The following TBC1D1 variants were observed in gnomAD, a reference collection of about 807,000 sequenced individuals.
The protein encoded by TBC1D1 is TBC1 (tre-2/USP6, BUB2, cdc16) domain family, member 1.
In TBC1D1, 89 loss-of-function variants were observed where a neutral mutation model predicts 125.6. The observed-to-expected ratio is 0.71, with a 90% CI of 0.60 to 0.85. The LOEUF (loss-of-function observed/expected upper bound fraction) is 0.85, where lower values mean the gene tolerates loss of function less well. TBC1D1 is among the 40% of genes least tolerant of loss of function. The pLI is 0.00. For synonymous variants in TBC1D1, 565 were observed against 564.1 expected (o/e 1.00, Z -0.02); for missense variants, 1,377 against 1,469.2 (o/e 0.94, Z 1.03).
At chr4:38,084,531 A>G (rs1342759132) in intron 12 of TBC1D1, among the ~76,000 whole-genome samples, 1 of 152,260 alleles carries the variant, frequency 6.6e-6, no homozygotes, top group African/African-American at 2.4e-5. Flanking sequence ...ATATGACAAC[A>G]TTAAGTCTAC....
intron 2 of TBC1D1, among the ~76,000 whole-genome samples, chr4:38,011,657 C>G (rs990947481): frequency 6.6e-6 from 1 of 152,166 alleles, no homozygotes; most frequent in African/African-American, 2.4e-5. Context: ...ACGGGGCACA[C>G]CTTACCCTGA....
At chr4:37,967,511 T>G (rs570433071) in intron 2 of TBC1D1, among the ~76,000 whole-genome samples, 10 of 149,750 alleles carry the variant, frequency 6.7e-5, no homozygotes, top group South Asian at 2.1e-4. Context: ...AAAAAAAAGA[T>G]AAAAAAGAGA....
At chr4:38,099,942 T>C (rs1760018992) in intron 14 of TBC1D1, among the ~76,000 whole-genome samples, 1 of 152,196 alleles carries the variant, frequency 6.6e-6, no homozygotes, top group African/African-American at 2.4e-5. Flanking sequence ...GATAAGACAA[T>C]GGGAATGATT....
chr4:37,923,545 G>C (rs566831358), intron 2 of TBC1D1, among the ~76,000 whole-genome samples: 47 of 152,160 alleles, frequency 3.1e-4, no homozygotes, highest in Non-Finnish European at 5.6e-4. Context: ...GGAGCTGGAA[G>C]TCTCCCTGCA....
At chr4:38,083,358 A>T (rs915911765) in intron 12 of TBC1D1, among the ~76,000 whole-genome samples, 2 of 152,248 alleles carry the variant, frequency 1.3e-5, no homozygotes, top group African/African-American at 4.8e-5. Flanking sequence ...TCGTTAGACA[A>T]AATGGGTCAT....
chr4:38,064,182 C>CT (rs2152500896), intron 12 of TBC1D1, among the ~76,000 whole-genome samples: 1 of 152,222 alleles, frequency 6.6e-6, no homozygotes, highest in South Asian at 2.1e-4. Flanking sequence ...TTTTTAATGA[C>CT]TTATTAATAT....
chr4:37,958,346 C>G (rs981692698), intron 2 of TBC1D1, among the ~76,000 whole-genome samples: 11 of 152,188 alleles, frequency 7.2e-5, no homozygotes, highest in Non-Finnish European at 1.5e-4. Flanking sequence ...CATATCTGGT[C>G]CCAGATGATT....
intron 13 of TBC1D1, among the ~76,000 whole-genome samples, chr4:38,093,022 C>T (rs920331867): frequency 6.6e-6 from 1 of 152,082 alleles, no homozygotes; most frequent in Non-Finnish European, 1.5e-5. Context: ...ATAATGGCCC[C>T]GGGCTAAGAA....
intron 2 of TBC1D1, among the ~76,000 whole-genome samples, chr4:38,011,922 T>C (rs1741594683): frequency 6.6e-6 from 1 of 152,222 alleles, no homozygotes; most frequent in Non-Finnish European, 1.5e-5. Context: ...GTTTGTACCA[T>C]TTACTACTGA....
chr4:38,117,575 A>G (rs911834384), intron 16 of TBC1D1, among the ~76,000 whole-genome samples: 1 of 152,220 alleles, frequency 6.6e-6, no homozygotes, highest in Non-Finnish European at 1.5e-5. Flanking sequence ...AGGGGTCCAG[A>G]GGGAACTTGC....
At chr4:37,990,734 GGT>G (rs776043468) in intron 2 of TBC1D1, among the ~76,000 whole-genome samples, 13 of 152,068 alleles carry the variant, frequency 8.5e-5, no homozygotes, top group Non-Finnish European at 1.9e-4. Context: ...ATCCAGTTTT[GGT>G]GTAACTGAAA....
At chr4:37,955,425 G>C (rs538195582) in intron 2 of TBC1D1, among the ~76,000 whole-genome samples, 1 of 152,254 alleles carries the variant, frequency 6.6e-6, no homozygotes, top group South Asian at 2.1e-4. Flanking sequence ...AAATGACATA[G>C]TATTTGCCTG....
chr4:38,125,639 CTG>C, intron 18 of TBC1D1, among the ~76,000 whole-genome samples: 1 of 152,014 alleles, frequency 6.6e-6, no homozygotes, highest in Non-Finnish European at 1.5e-5. Flanking sequence ...AGTTCAATAT[CTG>C]TGGCTTCATT....
intron 3 of TBC1D1, among the ~76,000 whole-genome samples, chr4:38,015,440 T>C (rs1160452322): frequency 6.6e-6 from 1 of 152,150 alleles, no homozygotes; most frequent in Admixed American, 6.5e-5. Context: ...AACTGAAATA[T>C]TAATTTAGCC....
chr4:37,927,788 T>G (rs1259881012), intron 2 of TBC1D1, among the ~76,000 whole-genome samples: 1 of 152,188 alleles, frequency 6.6e-6, no homozygotes, highest in East Asian at 1.9e-4. Flanking sequence ...TCCCAGCTAC[T>G]CAGGAGGCTG....
At chr4:38,109,835 C>T (rs533444523) in intron 15 of TBC1D1, among the ~76,000 whole-genome samples, 2 of 152,308 alleles carry the variant, frequency 1.3e-5, no homozygotes, top group Middle Eastern at 3.4e-3. Context: ...TTTGTATCCT[C>T]AGTGTCTCAT....
intron 12 of TBC1D1, 111 bp downstream of exon 14, chr4:38,054,449 G>C: frequency 7.3e-7 from 1 of 1,370,070 alleles, no homozygotes; most frequent in Non-Finnish European, 1.0e-6. Flanking sequence ...AGTATTGGCA[G>C]GTCTGAGGCA....
chr4:37,902,571 G>A, intron 2 of TBC1D1, 59 bp downstream of exon 2: 3 of 1,317,788 alleles, frequency 2.3e-6, no homozygotes, highest in African/African-American at 1.5e-5. Context: ...TATTGTATGG[G>A]GGTCAGGATA....
chr4:38,096,147 A>C, intron 14 of TBC1D1, 57 bp downstream of exon 16: 3 of 1,465,046 alleles, frequency 2.0e-6, no homozygotes, highest in Non-Finnish European at 2.8e-6. Context: ...GATTGGGGAG[A>C]AGTGTGGAAT....
Sources: allele counts gnomAD v4.1 joint callset (sites outside exome capture counted in the v4.1 genomes callset), GRCh38; gene constraint gnomAD v4.1.1; transcripts MANE v1.5; gene names NCBI Gene and HGNC (gene_info 2026-07-23, HGNC 2026-07-21).